CXCL14: variants seen among roughly 807,000 people sequenced by gnomAD.
The protein encoded by CXCL14 is C-X-C motif chemokine ligand 14, also known as C-X-C motif chemokine 14.
A neutral mutation model predicts 16.1 loss-of-function variants in CXCL14; 9 were observed. That is an observed-to-expected ratio of 0.56 (90% CI 0.34 to 0.97). The LOEUF (loss-of-function observed/expected upper bound fraction) is 0.97, where lower values mean the gene tolerates loss of function less well. Ranked by LOEUF, CXCL14 falls within the 50% of genes least tolerant of loss-of-function variation. CXCL14 has a pLI of 0.02. For synonymous variants in CXCL14, 55 were observed against 52.8 expected (o/e 1.04, Z -0.18); for missense variants, 111 against 132.5 (o/e 0.84, Z 0.80).
Position 135,578,478 on chromosome 5 carries a change from C to A in CXCL14, c.126G>T (p.Leu42=), listed in dbSNP as rs182682697. Residue 42 remains leucine (L), a synonymous_variant, in exon 2 of 4, where the codon CTG becomes CTT. Transcript: ENST00000512158. ...PKIRYSDVKK[L]EMKPKYPHCE... is the part of the protein sequence containing the mutation. Reference sequence around the variant, plus strand: ...AGTGCGGGTACTTTGGCTTCATTTCCAGCTTCTTCACGTCGCTGTAGCGGA... The same window carrying A: ...AGTGCGGGTACTTTGGCTTCATTTCAAGCTTCTTCACGTCGCTGTAGCGGA... 4.0e-5 allele frequency: 65 copies of A among 1,614,230 alleles called. 1 individual carries two copies. In the Admixed American group the frequency reaches 1.0e-3, roughly 25 times the overall value.
rs747602303 is a variant in CXCL14, at chr5:135,578,487, C to A, written c.117G>T (p.Val39=). 24 of 1,614,134 alleles carry A rather than the reference C, an allele frequency of 1.5e-5. No homozygotes were observed. In the East Asian group the frequency reaches 4.5e-4, roughly 30 times the overall value. The change falls in exon 2 of 4, where the codon GTG becomes GTT. Residue 39 remains valine (V), a synonymous_variant. Coordinates refer to ENST00000512158, the MANE Select transcript of CXCL14 (RefSeq NM_004887.5). ...RKGPKIRYSD[V]KKLEMKPKYP... is the part of the protein sequence containing the mutation. ...ACTTTGGCTTCATTTCCAGCTTCTTCACGTCGCTGTAGCGGATCTTGGGTC... is the reference window on the plus strand; with the variant it reads ...ACTTTGGCTTCATTTCCAGCTTCTTAACGTCGCTGTAGCGGATCTTGGGTC...
At position 135,570,790 on chromosome 5, in the gene CXCL14, A is replaced by C. The variant is rs1477031101; in HGVS notation, c.*1063T>G. 6.6e-6 allele frequency: 1 copy of C among 151,600 alleles called. No individual in the cohort carries two copies. Among genetic ancestry groups the C allele is most frequent in the Non-Finnish European group, 1.5e-5 (1 of 67,962 alleles). The allele number at this position is 151,600 out of a possible 1,614,324, so 9.4% of individuals were successfully genotyped here. On this transcript the variant is annotated 3_prime_UTR_variant, in exon 4 of 4. Coordinates refer to ENST00000512158, the MANE Select transcript of CXCL14 (RefSeq NM_004887.5). The stretch of plus-strand genomic sequence containing the variant: ...TACATAGCATATAACACAGCAGTAC[A>C]ATGCGGCATATACTGGGGGGCAGTG...
In CXCL14 at chr5:135,578,763, C is replaced by T. The variant is rs1217441277; in HGVS notation, c.16G>A (p.Ala6Thr). Residue 6 changes from alanine to threonine, a missense_variant, in exon 1 of 4, where the codon GCC (alanine) becomes ACC (threonine). Physicochemically the swap from Ala to Thr is moderately conservative, Grantham distance 58. Transcript: ENST00000512158. MRLLA[A>T]ALLLLLLALY... is the part of the protein sequence containing the mutation. The stretch of plus-strand genomic sequence containing the variant: ...GCCAGCAGCAGCAGGAGCAGCGCGG[C>T]CGCCAGGAGCCTCATGCTGACCGGA... 1.3e-6 allele frequency: 2 copies of T among 1,545,732 alleles called. No individual in the cohort carries two copies. The highest frequency in any genetic ancestry group is 2.4e-5 in the East Asian group (1 of 40,874).
Position 135,574,555 on chromosome 5 carries a change from G to T in CXCL14, c.284+17C>A. The stretch of plus-strand genomic sequence containing the variant: ...CTGGGTCTGGTGGGAAGGAAGGTGA[G>T]TAGAGGCGGGGCGTACCTGCGCTTC... On this transcript the variant is annotated intron_variant, in intron 3 of 3. Coordinates refer to ENST00000512158, the MANE Select transcript of CXCL14 (RefSeq NM_004887.5). 1 of 1,604,614 alleles carries T rather than the reference G, an allele frequency of 6.2e-7. No individual in the cohort carries two copies. The highest frequency in any genetic ancestry group is 8.5e-7 in the Non-Finnish European group (1 of 1,173,934).
At position 135,571,617 on chromosome 5, in the gene CXCL14, A is replaced by C. The variant is rs945529720; in HGVS notation, c.*236T>G. On this transcript the variant is annotated 3_prime_UTR_variant, in exon 4 of 4. Coordinates refer to ENST00000512158, the MANE Select transcript of CXCL14 (RefSeq NM_004887.5). ...CAGCCTGTGATGAAGTCTGGAGCAC[A>C]AGAGAGATGGGTCTCCCATCTGGAA... The C allele has an allele frequency of 2.0e-6, 1 of 509,648 alleles. No homozygotes were observed. Among genetic ancestry groups the C allele is most frequent in the African/African-American group, 2.0e-5 (1 of 50,916 alleles). 31.6% of individuals were successfully genotyped at this position (509,648 alleles called of 1,614,324 possible).
At chr5:135,574,975 A>G (rs1463359282) in intron 2 of CXCL14, among the ~76,000 whole-genome samples, 1 of 151,908 alleles carries the variant, frequency 6.6e-6, no homozygotes, top group Non-Finnish European at 1.5e-5. Flanking sequence ...CCCACCCCCA[A>G]CCTCATGCAG....
intron 2 of CXCL14, 134 bp from the exon 3 acceptor site, chr5:135,574,819 C>T (rs1009780197): frequency 3.0e-5 from 21 of 699,520 alleles, no homozygotes; most frequent in Non-Finnish European, 4.8e-5. Flanking sequence ...TCAAGGGAGC[C>T]GACTTGTGTG....
chr5:135,574,917 C>A lies in CXCL14; in HGVS notation c.171-232G>T, dbSNP rs941828242. Among the ~76,000 whole-genome samples the A allele has an allele frequency of 3.9e-5, 6 of 152,152 alleles. No individual in the cohort carries two copies. The South Asian group carries it at 1.2e-3, about 32-fold the overall frequency. ...AGGGCCTAACCCTGTATGTAGTGAG[C>A]AGCCCTCACTTTTCCCCTGGGAGTC... On this transcript the variant is annotated intron_variant, in intron 2 of 3. Coordinates refer to ENST00000512158, the MANE Select transcript of CXCL14 (RefSeq NM_004887.5).
At position 135,578,915 on chromosome 5, in the gene CXCL14, G is replaced by T; in HGVS notation, c.-137C>A. On this transcript the variant is annotated 5_prime_UTR_variant, in exon 1 of 4. Coordinates refer to ENST00000512158, the MANE Select transcript of CXCL14 (RefSeq NM_004887.5). The stretch of plus-strand genomic sequence containing the variant: ...GCGCCTTCCGGCTCTGCTGGCTCCG[G>T]CTGCGCCGTCGGTGGATGCCCAGGG... 4 of 968,038 alleles carry T rather than the reference G, an allele frequency of 4.1e-6. No individual in the cohort carries two copies. The highest frequency in any genetic ancestry group is 5.7e-6 in the Non-Finnish European group (4 of 696,486). The allele number at this position is 968,038 out of a possible 1,614,324, so 60.0% of individuals were successfully genotyped here.
chr5:135,574,146 AG>A (rs1464200550), intron 3 of CXCL14, among the ~76,000 whole-genome samples: 2 of 152,228 alleles, frequency 1.3e-5, no homozygotes, highest in East Asian at 3.9e-4. Context: ...ATGGTTTTAT[AG>A]CGCAGTTTTA....
At chr5:135,577,807 C>T (rs533889472) in intron 2 of CXCL14, among the ~76,000 whole-genome samples, 1 of 152,208 alleles carries the variant, frequency 6.6e-6, no homozygotes, top group Non-Finnish European at 1.5e-5. Flanking sequence ...ACATCCCCAC[C>T]AAGCAGGGCT....
At chr5:135,575,083 C>T (rs1334618851) in intron 2 of CXCL14, among the ~76,000 whole-genome samples, 3 of 152,138 alleles carry the variant, frequency 2.0e-5, no homozygotes, top group Non-Finnish European at 4.4e-5. Context: ...AAAGCTAATG[C>T]CAGCAAGGTG....
At position 135,578,551 on chromosome 5, in the gene CXCL14, C is replaced by A. The variant is rs368188288; in HGVS notation, c.65-12G>T. ...CTTGCATTTGGACCCTGCGAGCGAG[C>A]GCGGGGCAACGGCTTAGTTGCTAGG... On this transcript the variant is annotated splice_polypyrimidine_tract_variant and intron_variant, in intron 1 of 3. Coordinates refer to ENST00000512158, the MANE Select transcript of CXCL14 (RefSeq NM_004887.5). 44 of 1,613,156 alleles carry A rather than the reference C, an allele frequency of 2.7e-5. 1 individual carries two copies. In the African/African-American group the frequency reaches 4.7e-4, roughly 17 times the overall value.
intron 3 of CXCL14, among the ~76,000 whole-genome samples, chr5:135,574,059 G>C (rs894748275): frequency 2.0e-5 from 3 of 152,212 alleles, no homozygotes; most frequent in African/African-American, 4.8e-5. Context: ...GAGTTTATCA[G>C]GTTTCTGGGC....
intron 3 of CXCL14, among the ~76,000 whole-genome samples, chr5:135,573,427 G>A (rs557437919): frequency 1.3e-5 from 2 of 152,296 alleles, no homozygotes; most frequent in Middle Eastern, 3.4e-3. Context: ...GGTTGAGCCC[G>A]AGTGTCAGCT....
rs1004025232 is a variant in CXCL14 at position 135,578,853 on chromosome 5, C to T, written c.-75G>A. The T allele has an allele frequency of 3.5e-5, 50 of 1,432,222 alleles. No individual in the cohort carries two copies. The highest frequency in any genetic ancestry group is 4.4e-5 in the Non-Finnish European group (48 of 1,086,684). 88.7% of individuals were successfully genotyped at this position (1,432,222 alleles called of 1,614,324 possible). On this transcript the variant is annotated 5_prime_UTR_variant, in exon 1 of 4. Coordinates refer to ENST00000512158, the MANE Select transcript of CXCL14 (RefSeq NM_004887.5). ...GCCCGTCGGAGCGGCGGCCCGGAGA[C>T]GCCACCCAGCTCTGCTCGGCTTTCT... is the stretch of plus-strand genomic sequence containing the variant.
In CXCL14 at chr5:135,571,911, G is replaced by A; in HGVS notation, c.285-43C>T. ...ATGTGTAAGTGGCTCAGGACATGAG[G>A]CAGGCCGTTCACAAGATGCTGGCTA... On this transcript the variant is annotated intron_variant, in intron 3 of 3. Coordinates refer to ENST00000512158, the MANE Select transcript of CXCL14 (RefSeq NM_004887.5). 3 of 1,608,330 alleles carry A rather than the reference G, an allele frequency of 1.9e-6. No individual in the cohort carries two copies. The South Asian group carries it at 3.3e-5, about 18-fold the overall frequency.
chr5:135,574,959 G>T (rs1196471597), intron 2 of CXCL14, among the ~76,000 whole-genome samples: 3 of 152,104 alleles, frequency 2.0e-5, no homozygotes, highest in Non-Finnish European at 2.9e-5. Context: ...GTCTGGGATG[G>T]TCTCTCCCAC....
chr5:135,578,288 G>T, intron 2 of CXCL14, 146 bp downstream of exon 2: 1 of 671,256 alleles, frequency 1.5e-6, no homozygotes, highest in Non-Finnish European at 2.6e-6. Context: ...GCGTCCTAAG[G>T]ACTCTCTGGG....
Sources: gnomAD v4.1 joint callset for allele counts (sites outside exome capture counted in the v4.1 genomes callset) on GRCh38, gnomAD v4.1.1 for gene constraint, MANE v1.5 for transcripts, NCBI Gene and HGNC (gene_info 2026-07-23, HGNC 2026-07-21) for gene names.